The following FNIP1 variants were observed in gnomAD, a reference collection of about 807,000 sequenced individuals.
FNIP1 encodes the protein folliculin interacting protein 1.
Under a neutral mutation model 124.5 loss-of-function variants are expected in FNIP1, and 40 were observed. The ratio of observed to expected loss-of-function variants is 0.32; its 90% CI spans 0.25 to 0.42. FNIP1 has a LOEUF of 0.42. Ranked by LOEUF, FNIP1 falls within the 10% of genes least tolerant of loss-of-function variation. FNIP1 has a pLI of 1.00. For synonymous variants in FNIP1, 472 were observed against 470.6 expected (o/e 1.00, Z -0.04); for missense variants, 1,176 against 1,403.7 (o/e 0.84, Z 2.59).
At chr5:131,780,562 G>A (rs1019653005) in intron 1 of FNIP1, among the ~76,000 whole-genome samples, 1 of 151,224 alleles carries the variant, frequency 6.6e-6, no homozygotes, top group African/African-American at 2.4e-5. Flanking sequence ...GCCACTTTTT[G>A]TCTCTGTGTC....
intron 1 of FNIP1, among the ~76,000 whole-genome samples, chr5:131,750,412 T>C (rs1162073717): frequency 6.6e-6 from 1 of 152,084 alleles, no homozygotes; most frequent in African/African-American, 2.4e-5. Context: ...GCTCATTTAA[T>C]CATTAAATAC....
chr5:131,672,908 A>G lies in FNIP1; in HGVS notation c.1536T>C (p.Ala512=). The G allele has an allele frequency of 1.3e-6, 2 of 1,551,446 alleles. No homozygotes were observed. The highest frequency in any genetic ancestry group is 1.7e-6 in the Non-Finnish European group (2 of 1,152,114). ...LWAQLGDLYG[A]IGSPVRLART... ...TTGCTAACCGTACGGGAGAGCCAAT[A>G]GCGCCATACAAGTCTCCTGTAATGG... The change falls in exon 14 of 18, where the codon GCT becomes GCC. Residue 512 remains alanine (A), a synonymous_variant. Coordinates refer to ENST00000510461, the MANE Select transcript of FNIP1 (RefSeq NM_133372.3).
Position 131,677,792 on chromosome 5 carries a change from G to C in FNIP1, c.1430C>G (p.Pro477Arg), listed in dbSNP as rs371350117. The C allele has an allele frequency of 6.2e-7, 1 of 1,613,972 alleles. No individual in the cohort carries two copies. The highest frequency in any genetic ancestry group is 8.5e-7 in the Non-Finnish European group (1 of 1,180,020). The change falls in exon 13 of 18, where the codon CCT (proline) becomes CGT (arginine). Residue 477 changes from proline (P) to arginine (R), a missense_variant. This residue lies in a region of FNIP1 where 1,109 missense variants were observed against 1,288.5 expected (regional missense o/e 0.86). Coordinates refer to ENST00000510461, the MANE Select transcript of FNIP1 (RefSeq NM_133372.3). ...VPTVMPNGQP[P>R]IKIFLEKHSS... is the part of the protein sequence containing the mutation. ...ATGCTTTTCTAAAAATATTTTTATA[G>C]GTGGTTGTCCATTTGGCATGACTGT... is the stretch of plus-strand genomic sequence containing the variant.
intron 15 of FNIP1, among the ~76,000 whole-genome samples, chr5:131,655,201 A>G (rs1767155947): frequency 6.6e-6 from 1 of 152,218 alleles, no homozygotes; most frequent in South Asian, 2.1e-4. Flanking sequence ...TAGGCATGTC[A>G]TGAATACATA....
chr5:131,688,817 G>A (rs554923816), intron 11 of FNIP1, among the ~76,000 whole-genome samples: 4 of 150,552 alleles, frequency 2.7e-5, no homozygotes, highest in Non-Finnish European at 4.4e-5. Flanking sequence ...TAAAAATTCC[G>A]AAACTGAAAA....
chr5:131,768,741 G>C (rs756610025), intron 1 of FNIP1, among the ~76,000 whole-genome samples: 1 of 152,296 alleles, frequency 6.6e-6, no homozygotes, highest in African/African-American at 2.4e-5. Context: ...TGAGGTTGCA[G>C]TGAGCCAAAA....
intron 1 of FNIP1, among the ~76,000 whole-genome samples, chr5:131,791,418 G>A (rs749699209): frequency 3.9e-4 from 60 of 152,270 alleles, no homozygotes; most frequent in Middle Eastern, 3.4e-3. Flanking sequence ...TGATGAATAG[G>A]AAGTACACAA....
At chr5:131,669,294 C>T (rs1767684897) in intron 15 of FNIP1, among the ~76,000 whole-genome samples, 2 of 152,124 alleles carry the variant, frequency 1.3e-5, no homozygotes, top group Non-Finnish European at 2.9e-5. Flanking sequence ...AAAAGTAGTA[C>T]TAATCTTCTG....
In FNIP1 at chr5:131,725,514, T is replaced by C. The variant is rs562123816; in HGVS notation, c.354+5390A>G. Among the ~76,000 whole-genome samples, 30 of 152,318 alleles carry C rather than the reference T, an allele frequency of 2.0e-4. No homozygotes were observed. In the South Asian group the frequency reaches 6.2e-3, roughly 32 times the overall value. On this transcript the variant is annotated intron_variant, in intron 3 of 17. Transcript: ENST00000510461. ...TGGCTGTTTGTCTATTACTGGTGTATAGGAATGCTTGTGATTTTTGCACAT... is the reference window on the plus strand; with the variant it reads ...TGGCTGTTTGTCTATTACTGGTGTACAGGAATGCTTGTGATTTTTGCACAT...
intron 11 of FNIP1, among the ~76,000 whole-genome samples, chr5:131,679,575 ATGAGGTAACAGCT>A (rs1768011352): frequency 6.6e-6 from 1 of 152,244 alleles, no homozygotes; most frequent in Non-Finnish European, 1.5e-5. Flanking sequence ...AATATTCTAA[ATGAGGTAACAGCT>A]TATCCATCTA....
intron 11 of FNIP1, among the ~76,000 whole-genome samples, chr5:131,687,845 T>C (rs917632756): frequency 6.6e-6 from 1 of 152,190 alleles, no homozygotes. Flanking sequence ...GATACTACCA[T>C]ATTTTCATGG....
chr5:131,776,880 G>A (rs950141388), intron 1 of FNIP1, among the ~76,000 whole-genome samples: 14 of 152,098 alleles, frequency 9.2e-5, no homozygotes, highest in Non-Finnish European at 1.9e-4. Flanking sequence ...TTCAGAAACT[G>A]TACTGAGGTG....
At chr5:131,762,868 C>A (rs185006512) in intron 1 of FNIP1, among the ~76,000 whole-genome samples, 2 of 152,246 alleles carry the variant, frequency 1.3e-5, no homozygotes, top group East Asian at 3.9e-4. Context: ...GAATGATATC[C>A]TGTCATTTGC....
intron 3 of FNIP1, among the ~76,000 whole-genome samples, chr5:131,720,075 C>T (rs905767267): frequency 1.1e-4 from 16 of 152,130 alleles, no homozygotes; most frequent in Non-Finnish European, 1.2e-4. Flanking sequence ...AGCTGGTGGG[C>T]ATTACACTTC....
chr5:131,720,654 C>T (rs1769626902), intron 3 of FNIP1, among the ~76,000 whole-genome samples: 1 of 152,062 alleles, frequency 6.6e-6, no homozygotes, highest in South Asian at 2.1e-4. Context: ...ACCAGAAACC[C>T]CTACAACTCT....
intron 15 of FNIP1, among the ~76,000 whole-genome samples, chr5:131,667,849 A>G (rs1270471369): frequency 6.6e-6 from 1 of 152,148 alleles, no homozygotes; most frequent in Non-Finnish European, 1.5e-5. Flanking sequence ...CGGCCTCCCA[A>G]AGTGCTGGGA....
At chr5:131,657,103 G>C (rs900531298) in intron 15 of FNIP1, among the ~76,000 whole-genome samples, 30 of 141,736 alleles carry the variant, frequency 2.1e-4, no homozygotes, top group African/African-American at 7.5e-4. Flanking sequence ...TCCCAGGTTC[G>C]AGTGCTTCTC....
chr5:131,642,823 C>G lies in FNIP1; in HGVS notation c.*1862G>C, dbSNP rs374958006. On this transcript the variant is annotated 3_prime_UTR_variant, in exon 18 of 18. Coordinates refer to ENST00000510461, the MANE Select transcript of FNIP1 (RefSeq NM_133372.3). ...GGCGGAGGTTGCAGTGAGCTGAGAT[C>G]GCACCATTGCACTCCAGCCTGGGTA... 7.1e-6 allele frequency: 1 copy of G among 141,062 alleles called. No homozygotes were observed. The highest frequency in any genetic ancestry group is 2.7e-5 in the African/African-American group (1 of 37,494). 8.7% of individuals were successfully genotyped at this position (141,062 alleles called of 1,614,324 possible).
chr5:131,709,910 G>C (rs1475427093), intron 7 of FNIP1, among the ~76,000 whole-genome samples: 1 of 152,082 alleles, frequency 6.6e-6, no homozygotes, highest in East Asian at 1.9e-4. Flanking sequence ...GAACAATGAA[G>C]AGTAAATGTG....
Sources: allele counts gnomAD v4.1 joint callset (sites outside exome capture counted in the v4.1 genomes callset), GRCh38; gene constraint gnomAD v4.1.1; regional missense constraint gnomAD v4.1.1; transcripts MANE v1.5; gene names NCBI Gene and HGNC (gene_info 2026-07-23, HGNC 2026-07-21).